Variants in TIAM1 observed in about 807,000 individuals in gnomAD.
TIAM1 encodes TIAM Rac1 associated GEF 1.
Under a neutral mutation model 163.5 loss-of-function variants are expected in TIAM1, and 65 were observed. The observed-to-expected ratio is 0.40, with a 90% CI of 0.33 to 0.49. The LOEUF is 0.49. Among genes scored for constraint, TIAM1 ranks in the 20% least tolerant of loss-of-function variants. TIAM1 has a pLI of 0.77. For synonymous variants in TIAM1, 833 were observed against 810.1 expected (o/e 1.03, Z -0.48); for missense variants, 1,789 against 2,044.7 (o/e 0.87, Z 2.41).
intron 2 of TIAM1, among the ~76,000 whole-genome samples, chr21:31,367,627 C>G (rs1240548136): frequency 6.6e-6 from 1 of 152,104 alleles, no homozygotes; most frequent in African/African-American, 2.4e-5. Flanking sequence ...TTCTGACAGG[C>G]CTCATGCATT....
intron 2 of TIAM1, among the ~76,000 whole-genome samples, chr21:31,444,434 G>C (rs1249578527): frequency 1.3e-5 from 2 of 151,120 alleles, no homozygotes; most frequent in Non-Finnish European, 2.9e-5. Context: ...TGCCACGATG[G>C]TTTTTAAGCA....
At chr21:31,310,905 T>C (rs942633863) in intron 2 of TIAM1, among the ~76,000 whole-genome samples, 3 of 152,216 alleles carry the variant, frequency 2.0e-5, no homozygotes, top group Admixed American at 2.0e-4. Flanking sequence ...AAGCATACTT[T>C]GCATTTTCGG....
intron 1 of TIAM1, among the ~76,000 whole-genome samples, chr21:31,485,902 G>A (rs2046256421): frequency 6.6e-6 from 1 of 152,180 alleles, no homozygotes; most frequent in African/African-American, 2.4e-5. Flanking sequence ...CCCTGTACAA[G>A]GTGACGGTCC....
rs562921160 is a variant in TIAM1 at position 31,407,629 on chromosome 21, ATTTTTTTTT to A, written c.-369+56345_-369+56353del. On this transcript the variant is annotated intron_variant, in intron 2 of 28. Transcript: ENST00000286827. The stretch of plus-strand genomic sequence containing the variant: ...TTTTCAAATGAGTCATTTGCTCTTA[ATTTTTTTTT>A]TTTTTTTTTTTTTTTTGGACAGAGT... Among the ~76,000 whole-genome samples the A allele has an allele frequency of 1.9e-3, 180 of 94,102 alleles. 1 individual carries two copies. The highest frequency in any genetic ancestry group is 7.1e-3 in the African/African-American group (172 of 24,162). 61.7% of individuals were successfully genotyped at this position (94,102 alleles called of 152,430 possible). A position where few individuals can be genotyped will look rare whatever the true frequency, so the allele number is the denominator to read the frequency against.
At chr21:31,452,971 G>T in intron 2 of TIAM1, 1 of 509,398 alleles carries the variant, frequency 2.0e-6, no homozygotes, top group South Asian at 1.5e-5. Flanking sequence ...AGGCTGAATG[G>T]GGAAAAGTTA....
At chr21:31,128,686 C>A (rs932444403) in intron 25 of TIAM1, among the ~76,000 whole-genome samples, 3 of 151,196 alleles carry the variant, frequency 2.0e-5, no homozygotes, top group African/African-American at 7.4e-5. Flanking sequence ...CAAATCACAT[C>A]ATAAGTAAAA....
At position 31,498,920 on chromosome 21, in the gene TIAM1, T is replaced by C. The variant is rs187687052; in HGVS notation, c.-421-34885A>G. Among the ~76,000 whole-genome samples the C allele has an allele frequency of 1.8e-3, 244 of 135,258 alleles. 5 individuals are homozygous for C. The East Asian group carries it at 0.051, about 28-fold the overall frequency. The allele number at this position is 135,258 out of a possible 152,430, so 88.7% of individuals were successfully genotyped here. ...GAGATCATGCCACTGCACTCCAGCC[T>C]GGGCTACAGAGCGAGACTCCATCAA... On this transcript the variant is annotated intron_variant, in intron 1 of 28. Coordinates refer to the TIAM1 transcript ENST00000286827.
At chr21:31,227,280 C>T (rs115539067) in intron 6 of TIAM1, among the ~76,000 whole-genome samples, 2,850 of 152,174 alleles carry the variant, frequency 0.019, 90 homozygotes, top group African/African-American at 0.063. Context: ...ATTCTATTAA[C>T]AGGAACCCAC....
chr21:31,508,496 C>T (rs2147465628), intron 1 of TIAM1, among the ~76,000 whole-genome samples: 1 of 150,652 alleles, frequency 6.6e-6, no homozygotes, highest in South Asian at 2.1e-4. Flanking sequence ...TCAAGCGATT[C>T]TCCTGCCTCA....
intron 4 of TIAM1, among the ~76,000 whole-genome samples, chr21:31,258,829 A>G (rs1470686369): frequency 7.5e-6 from 1 of 133,206 alleles, no homozygotes; most frequent in African/African-American, 2.7e-5. Flanking sequence ...AAAAAAAAAA[A>G]CCAGAAAGAT....
chr21:31,176,350 GAAGGAACT>G (rs999712379), intron 15 of TIAM1, among the ~76,000 whole-genome samples: 1 of 152,114 alleles, frequency 6.6e-6, no homozygotes, highest in African/African-American at 2.4e-5. Flanking sequence ...AACAGCCACT[GAAGGAACT>G]ATCTTTTTGT....
At chr21:31,390,091 A>G (rs940707869) in intron 2 of TIAM1, among the ~76,000 whole-genome samples, 58 of 152,206 alleles carry the variant, frequency 3.8e-4, no homozygotes, top group Non-Finnish European at 5.9e-4. Context: ...AGCAAGAATG[A>G]GGGAACGTGA....
chr21:31,201,617 A>T (rs749791502), intron 12 of TIAM1, among the ~76,000 whole-genome samples: 2 of 152,206 alleles, frequency 1.3e-5, no homozygotes, highest in Non-Finnish European at 2.9e-5. Flanking sequence ...AATAAAGTTG[A>T]CTAAAAACAC....
At chr21:31,214,081 T>C (rs1029675026) in intron 9 of TIAM1, among the ~76,000 whole-genome samples, 5 of 151,624 alleles carry the variant, frequency 3.3e-5, no homozygotes, top group Middle Eastern at 3.4e-3. Flanking sequence ...TCCTAGTACT[T>C]TGGGAGGCTG....
chr21:31,412,820 A>T (rs1280807192), intron 2 of TIAM1, among the ~76,000 whole-genome samples: 1 of 149,602 alleles, frequency 6.7e-6, no homozygotes, highest in Non-Finnish European at 1.5e-5. Context: ...GGAGCACGCA[A>T]CCTAGATCCC....
intron 6 of TIAM1, among the ~76,000 whole-genome samples, chr21:31,239,803 T>C (rs1463294734): frequency 6.6e-6 from 1 of 152,264 alleles, no homozygotes; most frequent in South Asian, 2.1e-4. Context: ...CATATTAATA[T>C]CTTAAAAAGG....
chr21:31,278,354 G>A (rs1031011710), intron 2 of TIAM1, among the ~76,000 whole-genome samples: 12 of 152,212 alleles, frequency 7.9e-5, no homozygotes, highest in African/African-American at 2.9e-4. Context: ...GAACACGTGG[G>A]GTTAATGGGG....
At chr21:31,195,874 C>T (rs2085826407) in intron 12 of TIAM1, among the ~76,000 whole-genome samples, 1 of 152,008 alleles carries the variant, frequency 6.6e-6, no homozygotes, top group Admixed American at 6.6e-5. Flanking sequence ...AAGGAAATAA[C>T]TTATGACTAA....
At chr21:31,122,219 G>C (rs1448871705) in intron 27 of TIAM1, among the ~76,000 whole-genome samples, 1 of 152,136 alleles carries the variant, frequency 6.6e-6, no homozygotes, top group African/African-American at 2.4e-5. Flanking sequence ...GTTGGTTGAG[G>C]ATGGGAATAA....
Sources: gnomAD v4.1 joint callset for allele counts (sites outside exome capture counted in the v4.1 genomes callset) on GRCh38, gnomAD v4.1.1 for gene constraint, MANE v1.5 for transcripts, NCBI Gene and HGNC (gene_info 2026-07-23, HGNC 2026-07-21) for gene names.